CCDC158: variants seen among roughly 807,000 people sequenced by gnomAD.
The protein encoded by CCDC158 is coiled-coil domain containing 158.
In CCDC158, 116 loss-of-function variants were observed where a neutral mutation model predicts 138.6. That is an observed-to-expected ratio of 0.84 (90% confidence interval 0.72 to 0.98). The LOEUF (loss-of-function observed/expected upper bound fraction) is 0.98. Among genes scored for constraint, CCDC158 ranks in the 50% least tolerant of loss-of-function variants. The pLI is 0.00. For missense variants in CCDC158, 1,265 were observed against 1,306.1 expected (o/e 0.97, Z 0.48); for synonymous variants, 436 against 442.4 (o/e 0.99, Z 0.18).
rs762720351 is a variant in CCDC158, at chr4:76,355,402, G to A, written c.2208C>T (p.Ile736=). 4.3e-6 allele frequency: 7 copies of A among 1,613,660 alleles called. No individual in the cohort carries two copies. The South Asian group carries it at 5.5e-5, about 13-fold the overall frequency. ...CATCTATCTGACCTCTTTTGGCTGT[G>A]ATTTGCTTTTGCATCCCCATTGCCA... The part of the protein sequence containing the change: ...MKVAMGMQKQ[I]TAKRGQIDAL... Residue 736 remains isoleucine (I), a synonymous_variant, in exon 15 of 25, where the codon ATC becomes ATT. Coordinates refer to ENST00000682701, the MANE Select transcript of CCDC158 (RefSeq NM_001394954.1).
chr4:76,356,317 T>C (rs1723557654), intron 14 of CCDC158, among the ~76,000 whole-genome samples: 1 of 152,166 alleles, frequency 6.6e-6, no homozygotes, highest in Non-Finnish European at 1.5e-5. Context: ...TGAAGAATTA[T>C]GGTCTGATTA....
intron 3 of CCDC158, chr4:76,401,114 A>G (rs1403140629): frequency 4.7e-6 from 1 of 211,402 alleles, no homozygotes; most frequent in Non-Finnish European, 9.5e-6. Context: ...TAAAATCTCA[A>G]AAAGTGATTT....
chr4:76,351,846 G>T, intron 16 of CCDC158, 34 bp from the exon 17 acceptor site: 3 of 1,342,128 alleles, frequency 2.2e-6, no homozygotes, highest in Non-Finnish European at 3.2e-6. Context: ...GGTTTATCTT[G>T]CATTCTTTAT....
intron 7 of CCDC158, 28 bp downstream of exon 7, chr4:76,383,634 C>A (rs1347793592): frequency 6.5e-7 from 1 of 1,547,464 alleles, no homozygotes; most frequent in East Asian, 2.2e-5. Context: ...TTTCGCTAGG[C>A]TTTTCCATAC....
chr4:76,404,704 T>C (rs1728675855), intron 2 of CCDC158, among the ~76,000 whole-genome samples: 1 of 151,902 alleles, frequency 6.6e-6, no homozygotes, highest in Non-Finnish European at 1.5e-5. Context: ...AAAGCCACCA[T>C]GAGAATAAAA....
At chr4:76,344,961 A>G in intron 18 of CCDC158, 1 of 1,499,324 alleles carries the variant, frequency 6.7e-7, no homozygotes, top group Non-Finnish European at 9.3e-7. Context: ...AGTGCTGAAG[A>G]AGTCCTTTTT....
intron 3 of CCDC158, 129 bp downstream of exon 3, chr4:76,403,009 T>G (rs894739460): frequency 3.1e-6 from 2 of 650,318 alleles, no homozygotes; most frequent in Non-Finnish European, 2.6e-6. Flanking sequence ...ATAAACAATA[T>G]GGTAGACATT....
intron 8 of CCDC158, among the ~76,000 whole-genome samples, chr4:76,381,457 A>T (rs543813002): frequency 7.2e-5 from 11 of 152,364 alleles, no homozygotes; most frequent in Admixed American, 7.2e-4. Context: ...TTGGACTTGC[A>T]TGGGGCCTGC....
chr4:76,318,136 A>G (rs1719587085), intron 24 of CCDC158, among the ~76,000 whole-genome samples: 1 of 152,206 alleles, frequency 6.6e-6, no homozygotes, highest in African/African-American at 2.4e-5. Flanking sequence ...CAAACCCAGC[A>G]GAAGAAAAGA....
chr4:76,340,127 C>A (rs1448721870), intron 18 of CCDC158, among the ~76,000 whole-genome samples: 1 of 152,194 alleles, frequency 6.6e-6, no homozygotes, highest in Non-Finnish European at 1.5e-5. Context: ...GGGAGAACAA[C>A]AACTATGTTC....
chr4:76,392,087 T>C (rs959590979), intron 4 of CCDC158, among the ~76,000 whole-genome samples: 3 of 151,910 alleles, frequency 2.0e-5, no homozygotes, highest in Admixed American at 6.6e-5. Context: ...TCCAAAAACA[T>C]AGAGGAAGAA....
intron 7 of CCDC158, among the ~76,000 whole-genome samples, chr4:76,383,386 T>C (rs895930679): frequency 2.6e-5 from 4 of 152,188 alleles, no homozygotes; most frequent in Admixed American, 2.0e-4. Context: ...GCCCCCTGGC[T>C]ATAAATCCCC....
chr4:76,381,845 C>T (rs1726278063), intron 8 of CCDC158, among the ~76,000 whole-genome samples: 1 of 152,112 alleles, frequency 6.6e-6, no homozygotes, highest in African/African-American at 2.4e-5. Context: ...CCATGCCCAG[C>T]TAATTTTTTG....
At chr4:76,383,637 T>C (rs778572310) in intron 7 of CCDC158, 25 bp downstream of exon 7, 2 of 1,564,958 alleles carry the variant, frequency 1.3e-6, no homozygotes, top group Non-Finnish European at 1.8e-6. Flanking sequence ...CGCTAGGCTT[T>C]TCCATACCTC....
intron 23 of CCDC158, among the ~76,000 whole-genome samples, chr4:76,324,265 G>A (rs1045200527): frequency 1.3e-5 from 2 of 148,408 alleles, no homozygotes; most frequent in Non-Finnish European, 3.0e-5. Context: ...TCAGCTCATT[G>A]CAACCTCTGC....
intron 2 of CCDC158, among the ~76,000 whole-genome samples, chr4:76,403,535 G>A (rs1728581257): frequency 6.6e-6 from 1 of 152,100 alleles, no homozygotes; most frequent in African/African-American, 2.4e-5. Context: ...TATTGTAGAG[G>A]TTTCTCATAA....
Position 76,325,862 on chromosome 4 carries a change from A to C in CCDC158, c.3164T>G (p.Val1055Gly). Residue 1055 changes from valine to glycine, a missense_variant, in exon 23 of 25, where the codon GTT becomes GGT. Val to Gly is a moderately radical substitution (Grantham distance 109). Coordinates refer to ENST00000682701, the MANE Select transcript of CCDC158 (RefSeq NM_001394954.1). The stretch of plus-strand genomic sequence containing the variant: ...TGATATCAGATCTTTCTTACCTTTA[A>C]CAGAATCAGATGAATGAATAGGTTT... The part of the protein sequence containing the change: ...SAKPIHSSDS[V>G]KDSQSPPIET... The C allele has an allele frequency of 2.5e-6, 4 of 1,608,218 alleles. No homozygotes were observed. The highest frequency in any genetic ancestry group is 1.7e-5 in the Admixed American group (1 of 58,792).
At position 76,384,432 on chromosome 4, in the gene CCDC158, A is replaced by G. The variant is rs143236322; in HGVS notation, c.399-17T>C. ...TCCCTTCGTCTATGAAATAAATGAAAGAAAATAAATAACATTGATAAAACT... is the reference window on the plus strand; with the variant it reads ...TCCCTTCGTCTATGAAATAAATGAAGGAAAATAAATAACATTGATAAAACT... On this transcript the variant is annotated splice_polypyrimidine_tract_variant and intron_variant, in intron 5 of 24. Transcript: ENST00000682701. 1.9e-4 allele frequency: 297 copies of G among 1,594,250 alleles called. 1 individual carries two copies. In the East Asian group the frequency reaches 6.5e-3, roughly 35 times the overall value.
intron 4 of CCDC158, among the ~76,000 whole-genome samples, chr4:76,389,446 T>C (rs1727112643): frequency 6.6e-6 from 1 of 151,720 alleles, no homozygotes. Context: ...AAGAAAACAA[T>C]GAAGCACACC....
Sources: gnomAD v4.1 joint callset for allele counts (sites outside exome capture counted in the v4.1 genomes callset) on GRCh38, gnomAD v4.1.1 for gene constraint, MANE v1.5 for transcripts, NCBI Gene and HGNC (gene_info 2026-07-23, HGNC 2026-07-21) for gene names.